Variants in PTPRT observed in about 807,000 individuals in gnomAD.
PTPRT encodes receptor-type tyrosine-protein phosphatase T.
In PTPRT, 56 loss-of-function variants were observed where a neutral mutation model predicts 176.8. That is an observed-to-expected ratio of 0.32 (90% CI 0.26 to 0.40). PTPRT has a LOEUF of 0.40. Among genes scored for constraint, PTPRT ranks in the 10% least tolerant of loss-of-function variants. The probability of loss-of-function intolerance (pLI) is 1.00; values close to 1 mark genes in which losing one functional copy is unlikely to be tolerated. For missense variants in PTPRT, 1,540 were observed against 1,908.2 expected, an observed-to-expected ratio of 0.81 and a Z score of 3.60; for synonymous variants, 783 against 739.0, an observed-to-expected ratio of 1.06 and a Z score of -0.96.
At chr20:42,743,261 T>C (rs897980232) in intron 6 of PTPRT, among the ~76,000 whole-genome samples, 1 of 152,176 alleles carries the variant, frequency 6.6e-6, no homozygotes, top group Admixed American at 6.5e-5. Flanking sequence ...CTCTGATTAA[T>C]AATGAAAAGC....
At chr20:42,648,259 C>A (rs186847480) in intron 7 of PTPRT, among the ~76,000 whole-genome samples, 3,227 of 152,188 alleles carry the variant, frequency 0.021, 116 homozygotes, top group African/African-American at 0.074. Context: ...GGGTCCTTCA[C>A]GAACATGCTT....
intron 6 of PTPRT, chr20:42,686,119 T>C (rs1190159914): frequency 4.6e-5 from 7 of 152,234 alleles, no homozygotes. Context: ...CACAGTAGTT[T>C]ACCTGTTTCC....
At chr20:42,365,399 C>T (rs1008297047) in intron 9 of PTPRT, among the ~76,000 whole-genome samples, 4 of 152,152 alleles carry the variant, frequency 2.6e-5, no homozygotes, top group East Asian at 3.9e-4. Context: ...TATATGGACG[C>T]TATGCATACC....
intron 18 of PTPRT, among the ~76,000 whole-genome samples, chr20:42,132,079 T>C (rs1039345570): frequency 6.6e-6 from 1 of 152,232 alleles, no homozygotes; most frequent in African/African-American, 2.4e-5. Flanking sequence ...CATGCTGGGC[T>C]CTGCAGGGCA....
intron 16 of PTPRT, among the ~76,000 whole-genome samples, chr20:42,184,541 C>CTTCTTCT (rs1555797958): frequency 0.038 from 3,495 of 91,612 alleles, 402 homozygotes; most frequent in Middle Eastern, 0.081. Flanking sequence ...CTTCCTCTTC[C>CTTCTTCT]TCTTCTTCTT....
intron 1 of PTPRT, among the ~76,000 whole-genome samples, chr20:43,087,857 G>T (rs764756113): frequency 1.3e-4 from 20 of 152,222 alleles, no homozygotes; most frequent in Non-Finnish European, 2.1e-4. Flanking sequence ...GGTACTCAGT[G>T]GGGGCACAAC....
At chr20:42,366,830 A>G (rs1280602590) in intron 9 of PTPRT, among the ~76,000 whole-genome samples, 1 of 152,252 alleles carries the variant, frequency 6.6e-6, no homozygotes, top group East Asian at 1.9e-4. Context: ...ATTGCAGAGT[A>G]AAACCCACGA....
At chr20:42,108,723 A>T (rs1263114085) in intron 23 of PTPRT, among the ~76,000 whole-genome samples, 2 of 152,084 alleles carry the variant, frequency 1.3e-5, no homozygotes, top group African/African-American at 4.8e-5. Flanking sequence ...AGAAAACATT[A>T]AGAGGAGGCA....
chr20:42,348,370 T>TTTATTTATTTATTTA (rs1555830098), intron 11 of PTPRT, among the ~76,000 whole-genome samples: 1 of 146,526 alleles, frequency 6.8e-6, no homozygotes, highest in African/African-American at 2.5e-5. Context: ...GTGACATTTC[T>TTTATTTATTTATTTA]TTTATTTATT....
intron 6 of PTPRT, among the ~76,000 whole-genome samples, chr20:42,706,402 G>A (rs1483713393): frequency 2.0e-5 from 3 of 151,928 alleles, no homozygotes; most frequent in African/African-American, 7.3e-5. Context: ...GAAACATCTG[G>A]AGTTTGTATT....
intron 16 of PTPRT, among the ~76,000 whole-genome samples, chr20:42,194,461 T>C (rs1246305347): frequency 6.6e-6 from 1 of 152,218 alleles, no homozygotes. Context: ...AATGCCATTA[T>C]GGGAAGAGCA....
chr20:42,703,082 G>A (rs947566841), intron 6 of PTPRT, among the ~76,000 whole-genome samples: 1 of 152,288 alleles, frequency 6.6e-6, no homozygotes, highest in Middle Eastern at 3.4e-3. Flanking sequence ...ATGGACACAC[G>A]ACCCAATTCT....
chr20:42,863,173 C>A (rs985189731), intron 2 of PTPRT, among the ~76,000 whole-genome samples: 1 of 152,176 alleles, frequency 6.6e-6, no homozygotes, highest in Non-Finnish European at 1.5e-5. Flanking sequence ...CATGATGACA[C>A]CTGGCAGTGC....
intron 1 of PTPRT, among the ~76,000 whole-genome samples, chr20:42,907,737 T>C (rs1429857124): frequency 6.6e-6 from 1 of 152,066 alleles, no homozygotes; most frequent in Admixed American, 6.5e-5. Context: ...TAGTTTGTTA[T>C]TGTCCTTGTT....
intron 8 of PTPRT, among the ~76,000 whole-genome samples, chr20:42,465,170 A>G (rs2071083555): frequency 6.6e-6 from 1 of 151,848 alleles, no homozygotes; most frequent in African/African-American, 2.4e-5. Context: ...GCTCCTTCAC[A>G]TTTAGTGTTC....
At chr20:42,733,762 C>G (rs1259615770) in intron 6 of PTPRT, among the ~76,000 whole-genome samples, 2 of 152,224 alleles carry the variant, frequency 1.3e-5, no homozygotes, top group Non-Finnish European at 2.9e-5. Context: ...CACATCTTCA[C>G]TTCACAGGAA....
At chr20:42,852,217 A>G (rs1346561662) in intron 2 of PTPRT, among the ~76,000 whole-genome samples, 1 of 152,168 alleles carries the variant, frequency 6.6e-6, no homozygotes, top group Non-Finnish European at 1.5e-5. Context: ...TAAATATGTA[A>G]TCACTTTGGG....
intron 6 of PTPRT, among the ~76,000 whole-genome samples, chr20:42,745,532 G>A (rs1358010588): frequency 6.6e-6 from 1 of 152,138 alleles, no homozygotes; most frequent in Non-Finnish European, 1.5e-5. Flanking sequence ...AATGTCCCCT[G>A]GAAGGAAAAT....
intron 5 of PTPRT, among the ~76,000 whole-genome samples, chr20:42,757,972 T>A (rs2076860044): frequency 6.6e-6 from 1 of 152,214 alleles, no homozygotes; most frequent in Admixed American, 6.5e-5. Context: ...CAGCCTTGTT[T>A]GGGGAGTGTA....
Sources: gnomAD v4.1 joint callset for allele counts (sites outside exome capture counted in the v4.1 genomes callset) on GRCh38, gnomAD v4.1.1 for gene constraint, MANE v1.5 for transcripts, NCBI Gene and HGNC (gene_info 2026-07-23, HGNC 2026-07-21) for gene names.